Variants in RAPGEF2 observed in about 807,000 individuals in gnomAD.
RAPGEF2 encodes the protein PDZ domain containing guanine nucleotide exchange factor (GEF) 1.
RAPGEF2 carries 54 observed loss-of-function variants against 186.7 expected under a neutral mutation model. The observed-to-expected ratio is 0.29, with a 90% CI of 0.23 to 0.36. The LOEUF (loss-of-function observed/expected upper bound fraction) is 0.36. Ranked by LOEUF, RAPGEF2 falls within the 10% of genes least tolerant of loss-of-function variation. The pLI is 1.00. For synonymous variants in RAPGEF2, 712 were observed against 705.9 expected (o/e 1.01, Z -0.14); for missense variants, 1,532 against 2,045.0 (o/e 0.75, Z 4.84).
At chr4:159,152,460 G>A (rs1047290002) in intron 1 of RAPGEF2, among the ~76,000 whole-genome samples, 2 of 152,204 alleles carry the variant, frequency 1.3e-5, no homozygotes, top group Non-Finnish European at 2.9e-5. Flanking sequence ...ATTTTTAGCT[G>A]TGAGAAAATA....
At chr4:159,168,315 C>G (rs886384736) in intron 1 of RAPGEF2, among the ~76,000 whole-genome samples, 1 of 152,120 alleles carries the variant, frequency 6.6e-6, no homozygotes, top group African/African-American at 2.4e-5. Context: ...TTACAATATT[C>G]AAAGGAATGT....
At chr4:159,151,563 A>C in intron 1 of RAPGEF2, among the ~76,000 whole-genome samples, 1 of 152,256 alleles carries the variant, frequency 6.6e-6, no homozygotes, top group East Asian at 1.9e-4. Context: ...CGGAATAAAT[A>C]AAATGTGCTA....
At chr4:159,247,946 G>A (rs1296275950) in intron 7 of RAPGEF2, among the ~76,000 whole-genome samples, 1 of 151,722 alleles carries the variant, frequency 6.6e-6, no homozygotes, top group African/African-American at 2.4e-5. Context: ...ATTTTTAGTA[G>A]AGACAAGGTT....
chr4:159,314,062 G>A (rs1195414362), intron 8 of RAPGEF2, among the ~76,000 whole-genome samples: 1 of 152,192 alleles, frequency 6.6e-6, no homozygotes, highest in Admixed American at 6.5e-5. Flanking sequence ...TCGATTTATA[G>A]TTTAACAGTG....
chr4:159,237,842 T>TAAAAAAAAAAAAAAAA (rs58593781), intron 4 of RAPGEF2, among the ~76,000 whole-genome samples: 1 of 66,942 alleles, frequency 1.5e-5, no homozygotes, highest in African/African-American at 5.5e-5. Context: ...CTACAAAAAT[T>TAAAAAAAAAAAAAAAA]AAAAAAAAAA....
At chr4:159,252,750 C>T (rs1179285276) in intron 7 of RAPGEF2, among the ~76,000 whole-genome samples, 2 of 152,120 alleles carry the variant, frequency 1.3e-5, no homozygotes, top group South Asian at 2.1e-4. Flanking sequence ...TAAGAGAGGC[C>T]GATTGTTTTC....
chr4:159,216,430 A>G (rs1042915449), intron 4 of RAPGEF2, among the ~76,000 whole-genome samples: 1 of 152,162 alleles, frequency 6.6e-6, no homozygotes, highest in East Asian at 1.9e-4. Context: ...AGTTGGGTTT[A>G]TAGTTTAGAT....
At chr4:159,174,260 A>G (rs1746216305) in intron 1 of RAPGEF2, among the ~76,000 whole-genome samples, 1 of 152,230 alleles carries the variant, frequency 6.6e-6, no homozygotes, top group Admixed American at 6.5e-5. Context: ...GTTGGTAATC[A>G]TAAAAACTGC....
intron 8 of RAPGEF2, among the ~76,000 whole-genome samples, chr4:159,314,381 G>A (rs1038772664): frequency 1.3e-5 from 2 of 152,236 alleles, no homozygotes; most frequent in African/African-American, 2.4e-5. Flanking sequence ...AGATAAAGTC[G>A]TTATTCCTGA....
intron 6 of RAPGEF2, 54 bp downstream of exon 6, chr4:159,241,422 T>C: frequency 8.5e-7 from 1 of 1,180,584 alleles, no homozygotes; most frequent in Non-Finnish European, 1.1e-6. Flanking sequence ...TGTTGGGGTT[T>C]TGTGAAAAGA....
At chr4:159,314,159 G>T (rs770419750) in intron 8 of RAPGEF2, among the ~76,000 whole-genome samples, 2 of 152,146 alleles carry the variant, frequency 1.3e-5, no homozygotes, top group Admixed American at 6.5e-5. Context: ...TTTCCATAAG[G>T]ACTGTCTAAT....
At chr4:159,149,936 T>C (rs1384136719) in intron 1 of RAPGEF2, among the ~76,000 whole-genome samples, 2 of 152,192 alleles carry the variant, frequency 1.3e-5, no homozygotes, top group Admixed American at 1.3e-4. Flanking sequence ...CTAACACTGG[T>C]CTAAAAACAG....
intron 1 of RAPGEF2, among the ~76,000 whole-genome samples, chr4:159,176,859 C>T (rs964768117): frequency 3.3e-5 from 5 of 152,020 alleles, no homozygotes; most frequent in Admixed American, 6.6e-5. Context: ...TTTTTTTTAA[C>T]GACTTCATTT....
intron 4 of RAPGEF2, among the ~76,000 whole-genome samples, chr4:159,220,569 C>T (rs1751434190): frequency 6.6e-6 from 1 of 152,188 alleles, no homozygotes; most frequent in Non-Finnish European, 1.5e-5. Flanking sequence ...TTCCAACACG[C>T]TCTACAGTTA....
At chr4:159,157,328 C>T (rs957410754) in intron 1 of RAPGEF2, among the ~76,000 whole-genome samples, 9 of 151,858 alleles carry the variant, frequency 5.9e-5, no homozygotes, top group Non-Finnish European at 7.4e-5. Context: ...TAGGGTGTAC[C>T]GTTCAGTGGT....
intron 3 of RAPGEF2, among the ~76,000 whole-genome samples, chr4:159,200,995 A>ACT (rs1166670066): frequency 3.3e-5 from 5 of 151,962 alleles, no homozygotes; most frequent in African/African-American, 9.7e-5. Flanking sequence ...AAAGCCCTTA[A>ACT]CTCTTGTTAG....
chr4:159,318,103 A>AT (rs1764815776), intron 9 of RAPGEF2, among the ~76,000 whole-genome samples: 1 of 152,172 alleles, frequency 6.6e-6, no homozygotes, highest in African/African-American at 2.4e-5. Flanking sequence ...AGGGAGTAGC[A>AT]TTTATTTGAA....
In RAPGEF2 at chr4:159,335,533, G is replaced by T. The variant is rs540297256; in HGVS notation, c.2136-2778G>T. On this transcript the variant is annotated intron_variant, in intron 17 of 29. Transcript: ENST00000691494. The stretch of plus-strand genomic sequence containing the variant: ...AGAAAGGCAGTTCATCATGTAAGGT[G>T]TTAAAGTGTTGCGGAGAAACGGTTC... 8.6e-4 allele frequency among the ~76,000 whole-genome samples: 131 copies of T among 152,274 alleles called. 2 individuals carry two copies. In the South Asian group the frequency reaches 0.027, roughly 31 times the overall value.
At chr4:159,311,147 AAAC>A (rs879394703) in intron 8 of RAPGEF2, among the ~76,000 whole-genome samples, 1 of 152,132 alleles carries the variant, frequency 6.6e-6, no homozygotes, top group Non-Finnish European at 1.5e-5. Flanking sequence ...TCTCCTCTGT[AAAC>A]TAGGGTTAGT....
Sources: gnomAD v4.1 joint callset for allele counts (sites outside exome capture counted in the v4.1 genomes callset) on GRCh38, gnomAD v4.1.1 for gene constraint, MANE v1.5 for transcripts, NCBI Gene and HGNC (gene_info 2026-07-23, HGNC 2026-07-21) for gene names.